PACS2: variants seen among roughly 807,000 people sequenced by gnomAD.
The protein encoded by PACS2 is PACS1-like protein.
In PACS2, 36 loss-of-function variants were observed where a neutral mutation model predicts 113.0. The observed-to-expected ratio is 0.32, with a 90% CI of 0.24 to 0.42. PACS2 has a LOEUF of 0.42. Among genes scored for constraint, PACS2 ranks in the 10% least tolerant of loss-of-function variants. PACS2 has a pLI of 1.00. For missense variants in PACS2, 1,015 were observed against 1,239.5 expected (o/e 0.82, Z 2.72); for synonymous variants, 589 against 536.1 (o/e 1.10, Z -1.36).
intron 1 of PACS2, among the ~76,000 whole-genome samples, chr14:105,322,612 C>T (rs942898625): frequency 6.6e-6 from 1 of 152,228 alleles, no homozygotes; most frequent in South Asian, 2.1e-4. Flanking sequence ...CTTTACTCTC[C>T]TGCTGAACTA....
upstream of PACS2, among the ~76,000 whole-genome samples, chr14:105,309,763 T>C (rs587752071): frequency 7.8e-4 from 107 of 136,706 alleles, no homozygotes; most frequent in Middle Eastern, 0.011. This position sits in a 1 kb window ranked among gnomAD's most constrained non-coding sequence, Gnocchi z 4.0. Context: ...AAGGAGAAGG[T>C]GGTGATGTGT....
At chr14:105,394,377 G>A in intron 24 of PACS2, 177 bp from the exon 25 acceptor site, 1 of 985,294 alleles carries the variant, frequency 1.0e-6, no homozygotes, top group Non-Finnish European at 1.2e-6. Context: ...TCCCTCAGGA[G>A]CCAGCATGGC....
At chr14:105,311,111 C>G (rs2058340690), upstream of PACS2, among the ~76,000 whole-genome samples, 1 of 152,078 alleles carries the variant, frequency 6.6e-6, no homozygotes, top group Non-Finnish European at 1.5e-5. Context: ...CACCATCATG[C>G]CCCACTAATT....
upstream of PACS2, among the ~76,000 whole-genome samples, chr14:105,313,394 C>A (rs2058406731): frequency 6.6e-6 from 1 of 152,240 alleles, no homozygotes; most frequent in African/African-American, 2.4e-5. Flanking sequence ...GCCCGCCGAG[C>A]AGCTGGCCAA....
intron 12 of PACS2, 100 bp downstream of exon 12, chr14:105,381,199 A>G: frequency 5.9e-6 from 6 of 1,015,914 alleles, no homozygotes; most frequent in South Asian, 5.0e-5. Context: ...GTCCATCCTG[A>G]TGAGCTCCCT....
intron 22 of PACS2, chr14:105,392,083 C>T (rs1373260205): frequency 6.0e-5 from 25 of 417,108 alleles, no homozygotes; most frequent in Non-Finnish European, 1.0e-4. Flanking sequence ...GTGCAAGAGA[C>T]GTGAGTCTCT....
At chr14:105,311,704 C>T (rs1212163385), upstream of PACS2, among the ~76,000 whole-genome samples, 2 of 152,298 alleles carry the variant, frequency 1.3e-5, no homozygotes, top group South Asian at 4.1e-4. Context: ...TAAGGGTGAC[C>T]GTGGGAACTG....
chr14:105,323,125 G>A lies in PACS2; in HGVS notation c.119+8088G>A, dbSNP rs146149669. Among the ~76,000 whole-genome samples the A allele has an allele frequency of 2.2e-3, 333 of 152,332 alleles. 2 individuals carry two copies. Among genetic ancestry groups the A allele is most frequent in the African/African-American group, 7.6e-3 (315 of 41,564 alleles). ...TCGTCTCATGGTGGGTCCTGGTGTG[G>A]GTTCTCTTGTGATTGCCTGAGTCGG... On this transcript the variant is annotated intron_variant, in intron 1 of 24. Transcript: ENST00000447393. The surrounding 1 kb of genome is among the most constrained non-coding windows in gnomAD (Gnocchi z 4.1).
intron 4 of PACS2, among the ~76,000 whole-genome samples, chr14:105,361,007 C>G (rs1170920796): frequency 6.6e-6 from 1 of 152,244 alleles, no homozygotes; most frequent in African/African-American, 2.4e-5. Flanking sequence ...GCAATTCAGT[C>G]AGTCCTCAGG....
intron 1 of PACS2, among the ~76,000 whole-genome samples, chr14:105,328,256 C>T (rs1439797658): frequency 1.3e-5 from 2 of 152,216 alleles, no homozygotes; most frequent in East Asian, 1.9e-4. Context: ...GCCAGCTTTC[C>T]TTTGACTGGG....
At position 105,392,590 on chromosome 14, in the gene PACS2, G is replaced by C. The variant is rs587595033; in HGVS notation, c.2256-29G>C. The C allele has an allele frequency of 1.2e-4, 180 of 1,553,296 alleles. 3 individuals are homozygous for C. The South Asian group carries it at 2.0e-3, about 17-fold the overall frequency. On this transcript the variant is annotated intron_variant, in intron 22 of 24. Coordinates refer to ENST00000447393, the MANE Select transcript of PACS2 (RefSeq NM_001100913.3). ...CCCATCACTAGGCCCAAAGATGCAG[G>C]TGTGAATGCCTCCCTCTGCCTTTCC...
At chr14:105,303,224 C>T (rs954678191) in intron 1 of PACS2, among the ~76,000 whole-genome samples, 4 of 151,814 alleles carry the variant, frequency 2.6e-5, no homozygotes, top group Non-Finnish European at 5.9e-5. Context: ...CCAATGCACC[C>T]GGCCCCTTTT....
intron 1 of PACS2, among the ~76,000 whole-genome samples, chr14:105,339,736 A>G (rs904355856): frequency 6.6e-5 from 10 of 152,110 alleles, no homozygotes; most frequent in Admixed American, 1.3e-4. Flanking sequence ...GACAAAGAAC[A>G]AGTCTTAATT....
rs1387741420 is a variant in PACS2 at position 105,355,431 on chromosome 14, G to A, written c.423+254G>A. 2.0e-5 allele frequency among the ~76,000 whole-genome samples: 3 copies of A among 152,214 alleles called. No individual in the cohort carries two copies. Among genetic ancestry groups the A allele is most frequent in the Non-Finnish European group, 2.9e-5 (2 of 68,040 alleles). On this transcript the variant is annotated intron_variant, in intron 4 of 24. Coordinates refer to ENST00000447393, the MANE Select transcript of PACS2 (RefSeq NM_001100913.3). This position sits in a 1 kb window ranked among gnomAD's most constrained non-coding sequence, Gnocchi z 4.1. ...GCAGCCGCGCGCACTCCCCTCTAAC[G>A]AGCCTGTCCTGCCCTTCAGTGGAGG...
At chr14:105,331,367 T>G (rs1595592189) in intron 1 of PACS2, among the ~76,000 whole-genome samples, 1 of 152,328 alleles carries the variant, frequency 6.6e-6, no homozygotes, top group East Asian at 1.9e-4. Context: ...TTTCCTCTCC[T>G]AAGTTTTGTT....
upstream of PACS2, among the ~76,000 whole-genome samples, chr14:105,309,738 A>C (rs775197176): frequency 2.8e-5 from 4 of 143,708 alleles, no homozygotes; most frequent in African/African-American, 1.0e-4. This position sits in a 1 kb window ranked among gnomAD's most constrained non-coding sequence, Gnocchi z 4.0. Flanking sequence ...TATTAGGTCT[A>C]GATTAGCCTG....
intron 1 of PACS2, among the ~76,000 whole-genome samples, chr14:105,345,639 C>T (rs1469907480): frequency 3.3e-5 from 5 of 152,208 alleles, no homozygotes; most frequent in Non-Finnish European, 7.3e-5. Flanking sequence ...AAGAGGATTT[C>T]CCCGCCATCT....
chr14:105,352,206 C>A (rs1376713195), intron 2 of PACS2, among the ~76,000 whole-genome samples, 172 bp from the exon 3 acceptor site: 1 of 152,138 alleles, frequency 6.6e-6, no homozygotes, highest in Non-Finnish European at 1.5e-5. Context: ...TTTTAAGGTT[C>A]TTGGGAAAGA....
At chr14:105,325,169 C>G (rs1218510911) in intron 1 of PACS2, among the ~76,000 whole-genome samples, 6 of 41,852 alleles carry the variant, frequency 1.4e-4, no homozygotes, top group African/African-American at 3.0e-4. Flanking sequence ...GGTGGTGGGA[C>G]GGGGGGGGGC....
Sources: allele counts gnomAD v4.1 joint callset (sites outside exome capture counted in the v4.1 genomes callset), GRCh38; gene constraint gnomAD v4.1.1; non-coding constraint Gnocchi (gnomAD v3.1); transcripts MANE v1.5; gene names NCBI Gene and HGNC (gene_info 2026-07-23, HGNC 2026-07-21).